Variants in ROCK1 observed in about 807,000 individuals in gnomAD.
ROCK1 encodes the protein rho-associated protein kinase 1.
A neutral mutation model predicts 196.8 loss-of-function variants in ROCK1; 36 were observed. The observed-to-expected ratio is 0.18, with a 90% CI of 0.14 to 0.24. The LOEUF (loss-of-function observed/expected upper bound fraction) is 0.24. Ranked by LOEUF, ROCK1 falls within the 10% of genes least tolerant of loss-of-function variation. ROCK1 has a pLI of 1.00. For synonymous variants in ROCK1, 443 were observed against 515.9 expected (o/e 0.86, Z 1.91); for missense variants, 920 against 1,562.0 (o/e 0.59, Z 6.93).
chr18:21,065,340 A>G (rs2036325021), intron 2 of ROCK1, among the ~76,000 whole-genome samples: 1 of 152,122 alleles, frequency 6.6e-6, no homozygotes, highest in Non-Finnish European at 1.5e-5. Flanking sequence ...GATATAGTAT[A>G]TGACATAAAA....
At chr18:21,106,258 T>C (rs1377411440) in intron 1 of ROCK1, among the ~76,000 whole-genome samples, 2 of 152,192 alleles carry the variant, frequency 1.3e-5, no homozygotes, top group Non-Finnish European at 2.9e-5. Context: ...ATGAAAAGTA[T>C]GTCAAACTTC....
At chr18:21,017,304 G>C (rs1400029995) in intron 12 of ROCK1, among the ~76,000 whole-genome samples, 1 of 145,224 alleles carries the variant, frequency 6.9e-6, no homozygotes, top group African/African-American at 2.6e-5. Flanking sequence ...CCATTCTCCT[G>C]CCTCAGCCTC....
At chr18:20,954,489 T>C (rs1216219014) in intron 31 of ROCK1, among the ~76,000 whole-genome samples, 3 of 151,802 alleles carry the variant, frequency 2.0e-5, no homozygotes, top group South Asian at 2.1e-4. Context: ...GATAGGAGAA[T>C]CACTTGAACC....
intron 1 of ROCK1, among the ~76,000 whole-genome samples, chr18:21,097,265 G>C (rs2036620449): frequency 1.3e-5 from 2 of 152,182 alleles, no homozygotes; most frequent in Admixed American, 6.5e-5. Context: ...ATCCAAGAAT[G>C]TTGGGATGAA....
chr18:20,952,614 C>T (rs1489475451), intron 32 of ROCK1, among the ~76,000 whole-genome samples: 1 of 151,770 alleles, frequency 6.6e-6, no homozygotes, highest in African/African-American at 2.4e-5. Context: ...CCTCTCTCTA[C>T]TAAAAATACA....
At chr18:20,964,182 C>T (rs2035352179) in intron 27 of ROCK1, among the ~76,000 whole-genome samples, 1 of 151,960 alleles carries the variant, frequency 6.6e-6, no homozygotes, top group Non-Finnish European at 1.5e-5. Flanking sequence ...ATCATTTTAA[C>T]TTGGAGTAAA....
chr18:21,101,191 C>T (rs1242184977), intron 1 of ROCK1, among the ~76,000 whole-genome samples: 1 of 152,098 alleles, frequency 6.6e-6, no homozygotes. Context: ...AGAGGAATTA[C>T]AGTTAATAAA....
At chr18:20,980,275 A>G (rs1003946471) in intron 21 of ROCK1, among the ~76,000 whole-genome samples, 3 of 152,230 alleles carry the variant, frequency 2.0e-5, no homozygotes, top group East Asian at 3.9e-4. Flanking sequence ...TGGTTAATTC[A>G]TATTACTCAG....
At chr18:21,029,809 A>T (rs762122353) in intron 9 of ROCK1, among the ~76,000 whole-genome samples, 31 of 152,156 alleles carry the variant, frequency 2.0e-4, no homozygotes, top group Non-Finnish European at 4.1e-4. Context: ...AATTCTAAGA[A>T]AATAAAATTT....
At chr18:20,978,968 A>G (rs1179339321) in intron 22 of ROCK1, among the ~76,000 whole-genome samples, 1 of 152,242 alleles carries the variant, frequency 6.6e-6, no homozygotes, top group Non-Finnish European at 1.5e-5. Flanking sequence ...GAATATAACA[A>G]TGTTGGAAAA....
intron 2 of ROCK1, among the ~76,000 whole-genome samples, chr18:21,066,738 T>C (rs1249220729): frequency 6.6e-6 from 1 of 152,256 alleles, no homozygotes; most frequent in African/African-American, 2.4e-5. Flanking sequence ...GCTTCTGAGA[T>C]TGCTGGATAT....
intron 13 of ROCK1, among the ~76,000 whole-genome samples, chr18:21,008,735 A>C (rs2035790149): frequency 6.6e-6 from 1 of 152,196 alleles, no homozygotes; most frequent in South Asian, 2.1e-4. Flanking sequence ...GACATAAATC[A>C]TTCAAGGTCT....
Position 20,951,149 on chromosome 18 carries a change from C to T in ROCK1, c.*235G>A. On this transcript the variant is annotated 3_prime_UTR_variant, in exon 33 of 33. Coordinates refer to ENST00000399799, the MANE Select transcript of ROCK1 (RefSeq NM_005406.3). ...AAAAATATATCTACCTAAGCTTTCC[C>T]CCAACTGTACTTGCATTACATAGTA... 1 of 391,542 alleles carries T rather than the reference C, an allele frequency of 2.6e-6. No homozygotes were observed. Among genetic ancestry groups the T allele is most frequent in the East Asian group, 3.8e-5 (1 of 26,272 alleles). 24.3% of individuals were successfully genotyped at this position (391,542 alleles called of 1,614,324 possible). A position where few individuals can be genotyped will look rare whatever the true frequency, so the allele number is the denominator to read the frequency against.
chr18:21,043,969 C>T (rs2036133445), intron 6 of ROCK1, 133 bp downstream of exon 6: 1 of 583,858 alleles, frequency 1.7e-6, no homozygotes, highest in Non-Finnish European at 3.0e-6. Context: ...CAAATAAGGT[C>T]ATATTAATTC....
At chr18:21,085,925 T>C (rs2036522776) in intron 1 of ROCK1, among the ~76,000 whole-genome samples, 1 of 152,308 alleles carries the variant, frequency 6.6e-6, no homozygotes, top group Non-Finnish European at 1.5e-5. Context: ...TAAAGTTTTA[T>C]AGGTATGGGT....
intron 4 of ROCK1, among the ~76,000 whole-genome samples, chr18:21,046,297 G>A (rs2036158129): frequency 6.6e-6 from 1 of 152,262 alleles, no homozygotes. Context: ...AACACTGTAA[G>A]GACTATACTT....
chr18:21,109,552 A>T (rs2143613635), intron 1 of ROCK1, among the ~76,000 whole-genome samples: 1 of 152,330 alleles, frequency 6.6e-6, no homozygotes, highest in Non-Finnish European at 1.5e-5. Context: ...TCTATTACGC[A>T]TCAACCTTCT....
intron 19 of ROCK1, 60 bp from the exon 20 acceptor site, chr18:20,984,595 T>A (rs2035561567): frequency 7.7e-7 from 1 of 1,291,030 alleles, no homozygotes; most frequent in South Asian, 1.4e-5. Context: ...TAGACATTAT[T>A]TGAAAGACTA....
chr18:21,049,310 C>T lies in ROCK1; in HGVS notation c.277-81G>A, dbSNP rs1039824435. Reference sequence around the variant, plus strand: ...GTTTCACAGAACAATTTACTAAGTGCTTTTAATACTTGCTAAATAATTTAG... The same window carrying T: ...GTTTCACAGAACAATTTACTAAGTGTTTTTAATACTTGCTAAATAATTTAG... On this transcript the variant is annotated intron_variant, in intron 3 of 32. Coordinates refer to ENST00000399799, the MANE Select transcript of ROCK1 (RefSeq NM_005406.3). 33 of 1,039,694 alleles carry T rather than the reference C, an allele frequency of 3.2e-5. No individual in the cohort carries two copies. The African/African-American group carries it at 3.8e-4, about 12-fold the overall frequency. The allele number at this position is 1,039,694 out of a possible 1,614,324, so 64.4% of individuals were successfully genotyped here. A position where few individuals can be genotyped will look rare whatever the true frequency, so the allele number is the denominator to read the frequency against.
Sources: allele counts gnomAD v4.1 joint callset (sites outside exome capture counted in the v4.1 genomes callset), GRCh38; gene constraint gnomAD v4.1.1; transcripts MANE v1.5; gene names NCBI Gene and HGNC (gene_info 2026-07-23, HGNC 2026-07-21).